The following ABCC6 variants were observed in gnomAD, a reference collection of about 807,000 sequenced individuals.
ABCC6 encodes ATP binding cassette subfamily C member 6.
Under a neutral mutation model 169.5 loss-of-function variants are expected in ABCC6, and 126 were observed. That is an observed-to-expected ratio of 0.74 (90% CI 0.64 to 0.86). ABCC6 has a LOEUF of 0.86. Among genes scored for constraint, ABCC6 ranks in the 40% least tolerant of loss-of-function variants. The pLI is 0.00. For synonymous variants in ABCC6, 752 were observed against 814.7 expected, an observed-to-expected ratio of 0.92 and a Z score of 1.31; for missense variants, 1,733 against 1,927.2, an observed-to-expected ratio of 0.90 and a Z score of 1.89.
intron 4 of ABCC6, among the ~76,000 whole-genome samples, chr16:16,214,699 G>C (rs1163839896): frequency 6.6e-6 from 1 of 152,050 alleles, no homozygotes; most frequent in Admixed American, 6.6e-5. Flanking sequence ...CTGCCTCCTG[G>C]GTTCAAGTGA....
At chr16:16,188,636 C>CT (rs1003336572) in intron 13 of ABCC6, among the ~76,000 whole-genome samples, 195 bp downstream of exon 13, 1 of 152,166 alleles carries the variant, frequency 6.6e-6, no homozygotes, top group African/African-American at 2.4e-5. Context: ...AGGCTGACCC[C>CT]TTCCAGATGT....
At chr16:16,220,625 G>A (rs1247348887) in intron 2 of ABCC6, among the ~76,000 whole-genome samples, 4 of 152,158 alleles carry the variant, frequency 2.6e-5, no homozygotes, top group African/African-American at 7.2e-5. Flanking sequence ...GCCGGGGGTG[G>A]TGGCTTACAC....
chr16:16,173,790 A>G (rs1248726079), intron 20 of ABCC6, among the ~76,000 whole-genome samples: 1 of 151,700 alleles, frequency 6.6e-6, no homozygotes, highest in Admixed American at 6.6e-5. Context: ...CAGCCTCCCA[A>G]AGTGCTGGGA....
intron 8 of ABCC6, among the ~76,000 whole-genome samples, chr16:16,202,904 C>T (rs1412897632): frequency 6.6e-6 from 1 of 152,160 alleles, no homozygotes; most frequent in Non-Finnish European, 1.5e-5. Context: ...TGAGCCTAGG[C>T]CTCAAGAGAA....
chr16:16,215,638 T>C (rs2048845142), intron 4 of ABCC6, among the ~76,000 whole-genome samples: 4 of 151,518 alleles, frequency 2.6e-5, no homozygotes, highest in Admixed American at 2.6e-4. Flanking sequence ...GACCCCTGGC[T>C]AATTTTTGTA....
intron 10 of ABCC6, 76 bp from the exon 11 acceptor site, chr16:16,192,998 C>T (rs1287633530): frequency 7.9e-7 from 1 of 1,259,176 alleles, no homozygotes; most frequent in Admixed American, 1.9e-5. Flanking sequence ...CAGAGCAACT[C>T]CATCTTGAAT....
chr16:16,217,071 G>C (rs1330426420), intron 4 of ABCC6, among the ~76,000 whole-genome samples: 1 of 152,268 alleles, frequency 6.6e-6, no homozygotes, highest in Middle Eastern at 3.4e-3. Flanking sequence ...GAACCCCCTT[G>C]ACTTACCCTT....
At chr16:16,150,534 C>A (rs761940005) in intron 30 of ABCC6, 44 bp downstream of exon 30, 1 of 1,592,728 alleles carries the variant, frequency 6.3e-7, no homozygotes, top group South Asian at 1.1e-5. Context: ...CTTCCCCCAC[C>A]ACTGCAGGGC....
At chr16:16,172,947 T>G in intron 21 of ABCC6, 2 of 364,296 alleles carry the variant, frequency 5.5e-6, no homozygotes, top group East Asian at 6.5e-5. Context: ...GAGACTGAGG[T>G]AGGAGGATTG....
intron 14 of ABCC6, among the ~76,000 whole-genome samples, chr16:16,186,487 A>G (rs973885587): frequency 6.6e-6 from 1 of 151,696 alleles, no homozygotes; most frequent in African/African-American, 2.4e-5. Flanking sequence ...CATCACTCCC[A>G]TCACCGCCTG....
In ABCC6 at chr16:16,175,893, G is replaced by A; in HGVS notation, c.2666+18C>T. ...TTCAGCCTGTGCCCTTCTGAGTGTGGCACCATGGTGGACTCACCTCTCGCG... is the reference window on the plus strand; with the variant it reads ...TTCAGCCTGTGCCCTTCTGAGTGTGACACCATGGTGGACTCACCTCTCGCG... On this transcript the variant is annotated intron_variant, in intron 20 of 30. Transcript: ENST00000205557. 11 of 1,613,876 alleles carry A rather than the reference G, an allele frequency of 6.8e-6. No individual in the cohort carries two copies. Among genetic ancestry groups the A allele is most frequent in the Non-Finnish European group, 9.3e-6 (11 of 1,179,926 alleles).
At position 16,154,922 on chromosome 16, in the gene ABCC6, G is replaced by T; in HGVS notation, c.3992C>A (p.Ala1331Asp). 6.2e-7 allele frequency: 1 copy of T among 1,608,054 alleles called. No individual in the cohort carries two copies. The highest frequency in any genetic ancestry group is 8.5e-7 in the Non-Finnish European group (1 of 1,177,458). ...GGIWIDGVPI[A>D]HVGLHTLRSR... ...GCGCAGTGTGTGCAGCCCCACGTGG[G>T]CAATGGGGACCCCGTCGATCCAGAT... The change falls in exon 28 of 31, where the codon GCC (alanine) becomes GAC (aspartate). Residue 1331 changes from alanine to aspartate, a missense_variant. By Grantham distance (126) the Ala-to-Asp change is moderately radical (BLOSUM62 -2). This residue lies in a region of ABCC6 where 1,601 missense variants were observed against 1,635.5 expected (regional missense o/e 0.98). Coordinates refer to ENST00000205557, the MANE Select transcript of ABCC6 (RefSeq NM_001171.6).
At position 16,154,804 on chromosome 16, in the gene ABCC6, AG is replaced by A; in HGVS notation, c.4042-11del. 5 of 1,609,582 alleles carry A rather than the reference AG, an allele frequency of 3.1e-6. No individual in the cohort carries two copies. The highest frequency in any genetic ancestry group is 2.5e-6 in the Non-Finnish European group (3 of 1,178,230). On this transcript the variant is annotated splice_polypyrimidine_tract_variant and intron_variant, in intron 28 of 30. Transcript: ENST00000205557. ...GGAACAGGATGGGGTCCTGGCGGGG[AG>A]GGGCGGTGGGTCAGAGCCGGGTCCC... is the stretch of plus-strand genomic sequence containing the variant.
In ABCC6 at chr16:16,203,548, G is replaced by A; in HGVS notation, c.860C>T (p.Pro287Leu). 1.2e-6 allele frequency: 2 copies of A among 1,614,016 alleles called. No individual in the cohort carries two copies. Among genetic ancestry groups the A allele is most frequent in the South Asian group, 2.2e-5 (2 of 91,068 alleles). Reference protein sequence around the residue: ...GSGMKAPETEPFLRQEGSQWR... With the variant: ...GSGMKAPETELFLRQEGSQWR... ...CTGGCTCCCTTCTTGCCGTAGGAAG[G>A]GCTCGGTCTCTGGAGCCTTCATGCC... is the stretch of plus-strand genomic sequence containing the variant. Residue 287 changes from proline to leucine, a missense_variant, in exon 8 of 31, where the codon CCC (proline) becomes CTC (leucine). Around this residue, in one of 5 missense-constraint regions of ABCC6, gnomAD observed 1,601 missense variants for 1,635.5 expected, o/e 0.98. Coordinates refer to ENST00000205557, the MANE Select transcript of ABCC6 (RefSeq NM_001171.6).
chr16:16,216,110 C>T (rs1464677241), intron 4 of ABCC6, among the ~76,000 whole-genome samples: 2 of 151,430 alleles, frequency 1.3e-5, no homozygotes, highest in African/African-American at 4.9e-5. Context: ...TTAGTAGAGA[C>T]AGGGTTTCAC....
rs56071235 is a variant in ABCC6 at position 16,184,198 on chromosome 16, CAAAAAAAAAAAAAA to C, written c.1943+747_1943+760del. On this transcript the variant is annotated intron_variant, in intron 15 of 30. Transcript: ENST00000205557. ...CGCGTGATAGAGCAAGACTCCGTTT[CAAAAAAAAAAAAAA>C]AAAAAAAAAAAAAAAGAACAGCTCT... 13 of 71,950 alleles carry C rather than the reference CAAAAAAAAAAAAAA, an allele frequency of 1.8e-4. No individual in the cohort carries two copies. In the South Asian group the frequency reaches 2.2e-3, roughly 12 times the overall value. The allele number at this position is 71,950 out of a possible 1,614,324, so 4.5% of individuals were successfully genotyped here. A position where few individuals can be genotyped will look rare whatever the true frequency, so the allele number is the denominator to read the frequency against.
At chr16:16,180,375 C>T (rs2047426865) in intron 17 of ABCC6, among the ~76,000 whole-genome samples, 1 of 152,222 alleles carries the variant, frequency 6.6e-6, no homozygotes, top group Admixed American at 6.5e-5. Context: ...TCTCTTCTAG[C>T]TATCTTGAAA....
intron 12 of ABCC6, among the ~76,000 whole-genome samples, chr16:16,189,527 C>T (rs2047770659): frequency 6.6e-6 from 1 of 151,594 alleles, no homozygotes; most frequent in African/African-American, 2.4e-5. Context: ...AAGTGATTCT[C>T]CTGCCTCAGA....
chr16:16,153,640 A>G (rs1387154415), intron 29 of ABCC6, among the ~76,000 whole-genome samples: 1 of 152,058 alleles, frequency 6.6e-6, no homozygotes, highest in Non-Finnish European at 1.5e-5. Context: ...AATGGGTGAG[A>G]TGGGCCCGGC....
Sources: allele counts gnomAD v4.1 joint callset (sites outside exome capture counted in the v4.1 genomes callset), GRCh38; gene constraint gnomAD v4.1.1; regional missense constraint gnomAD v4.1.1; transcripts MANE v1.5; gene names NCBI Gene and HGNC (gene_info 2026-07-23, HGNC 2026-07-21).